DCTD: variants seen among roughly 807,000 people sequenced by gnomAD.
DCTD encodes dCMP deaminase.
A neutral mutation model predicts 21.0 loss-of-function variants in DCTD; 23 were observed. The observed-to-expected ratio is 1.09, with a 90% CI of 0.79 to 1.55. The LOEUF (loss-of-function observed/expected upper bound fraction) is 1.55. Among genes scored for constraint, DCTD ranks in the 40% most tolerant of loss-of-function variants. DCTD has a pLI of 0.00. For missense variants in DCTD, 224 were observed against 230.0 expected (o/e 0.97, Z 0.17); for synonymous variants, 71 against 81.1 (o/e 0.88, Z 0.67).
intron 3 of DCTD, among the ~76,000 whole-genome samples, chr4:182,903,057 C>T (rs1250748587): frequency 6.6e-6 from 1 of 152,204 alleles, no homozygotes; most frequent in East Asian, 1.9e-4. Flanking sequence ...CCTCTCTCAG[C>T]TACGAATAGG....
chr4:182,913,999 T>G (rs1275616623), intron 3 of DCTD, among the ~76,000 whole-genome samples: 3 of 140,886 alleles, frequency 2.1e-5, no homozygotes, highest in Non-Finnish European at 5.0e-5. Context: ...TTTTGTTTTT[T>G]GTTTGTTTGT....
At chr4:182,909,498 G>T (rs186916031) in intron 3 of DCTD, among the ~76,000 whole-genome samples, 4 of 152,236 alleles carry the variant, frequency 2.6e-5, no homozygotes, top group Admixed American at 2.6e-4. Flanking sequence ...TAGAAGGCCA[G>T]GCAGGGGAGG....
chr4:182,895,299 G>A (rs986362285), intron 3 of DCTD, among the ~76,000 whole-genome samples: 1 of 152,152 alleles, frequency 6.6e-6, no homozygotes, highest in African/African-American at 2.4e-5. Context: ...TTGAAATCCT[G>A]GCCGTAAGTG....
At chr4:182,915,255 G>C (rs1019747010) in intron 2 of DCTD, among the ~76,000 whole-genome samples, 197 bp from the exon 3 acceptor site, 2 of 152,214 alleles carry the variant, frequency 1.3e-5, no homozygotes, top group Non-Finnish European at 2.9e-5. Context: ...CCCAGTCCCA[G>C]AAGGGGCACA....
At chr4:182,915,922 G>C in intron 1 of DCTD, 1 of 1,054,956 alleles carries the variant, frequency 9.5e-7, no homozygotes, top group Non-Finnish European at 1.2e-6. Context: ...GAGGAGGGTG[G>C]AAAAAAGAAA....
Position 182,915,057 on chromosome 4 carries a change from A to C in DCTD, c.110T>G (p.Val37Gly). 6.2e-7 allele frequency: 1 copy of C among 1,614,222 alleles called. No homozygotes were observed. The highest frequency in any genetic ancestry group is 8.5e-7 in the Non-Finnish European group (1 of 1,180,034). The change falls in exon 3 of 6, where the codon GTC (valine) becomes GGC (glycine). Residue 37 changes from valine (V) to glycine (G), a missense_variant and splice_region_variant. Val to Gly is a moderately radical substitution (Grantham distance 109). Transcript: ENST00000438320. ...AQRSKDPNSQ[V>G]GACIVNSENK... ...TTCTGAATTCACGATGCAGGCGCCG[A>C]CCTAGAAGGAAACATGCCCAAAGGC... is the stretch of plus-strand genomic sequence containing the variant.
At chr4:182,913,790 T>C (rs1738156887) in intron 3 of DCTD, among the ~76,000 whole-genome samples, 1 of 152,178 alleles carries the variant, frequency 6.6e-6, no homozygotes, top group South Asian at 2.1e-4. Context: ...ATTGCTTGCA[T>C]ATTCTCCAAG....
At chr4:182,906,347 T>A (rs1045877049) in intron 3 of DCTD, among the ~76,000 whole-genome samples, 4 of 152,178 alleles carry the variant, frequency 2.6e-5, no homozygotes, top group Non-Finnish European at 4.4e-5. Context: ...GTTTGTTTCA[T>A]TAATGTCTAC....
At chr4:182,903,875 C>G (rs182039272) in intron 3 of DCTD, among the ~76,000 whole-genome samples, 14 of 152,264 alleles carry the variant, frequency 9.2e-5, no homozygotes, top group Non-Finnish European at 1.6e-4. Flanking sequence ...GCCTCCGGAC[C>G]TAAGAAATAG....
intron 3 of DCTD, chr4:182,911,189 T>C (rs1360126127): frequency 2.0e-5 from 3 of 152,148 alleles, no homozygotes; most frequent in Non-Finnish European, 4.4e-5. Flanking sequence ...CCGCCTATCC[T>C]TGCACATGGA....
chr4:182,892,816 A>G (rs1449823965), intron 5 of DCTD, among the ~76,000 whole-genome samples: 1 of 152,372 alleles, frequency 6.6e-6, no homozygotes, highest in Middle Eastern at 3.4e-3. Flanking sequence ...TACTGAAATT[A>G]AAGTACAATC....
At chr4:182,915,880 C>T (rs1315473846) in intron 1 of DCTD, 4 of 1,134,598 alleles carry the variant, frequency 3.5e-6, no homozygotes, top group Non-Finnish European at 4.4e-6. Flanking sequence ...GTGTCCTTTA[C>T]CTGTCTCCCT....
Position 182,891,148 on chromosome 4 carries a change from T to C in DCTD, c.*251A>G, listed in dbSNP as rs3088349. 0.28 allele frequency: 108,244 copies of C among 380,512 alleles called. 18,284 individuals are homozygous for C. The highest frequency in any genetic ancestry group is 0.58 in the African/African-American group (28,317 of 48,894). The allele number at this position is 380,512 out of a possible 1,614,324, so 23.6% of individuals were successfully genotyped here. Reference sequence around the variant, plus strand: ...GCCAGGACACAAGAAGGGGAGGCACTCTCGTTCTAGCCCTGTGCACCAGGC... The same window carrying C: ...GCCAGGACACAAGAAGGGGAGGCACCCTCGTTCTAGCCCTGTGCACCAGGC... On this transcript the variant is annotated 3_prime_UTR_variant, in exon 6 of 6. Transcript: ENST00000438320.
At chr4:182,901,980 T>C (rs1326272506) in intron 3 of DCTD, among the ~76,000 whole-genome samples, 1 of 152,150 alleles carries the variant, frequency 6.6e-6, no homozygotes, top group African/African-American at 2.4e-5. Context: ...CACAGATGCC[T>C]GATGGAAACT....
intron 3 of DCTD, among the ~76,000 whole-genome samples, chr4:182,910,054 T>C (rs1371834424): frequency 3.3e-5 from 5 of 152,182 alleles, no homozygotes; most frequent in Non-Finnish European, 4.4e-5. Flanking sequence ...GCCCCACTTC[T>C]ACCCAACGCA....
chr4:182,909,196 TATC>T (rs1233600612), intron 3 of DCTD, among the ~76,000 whole-genome samples: 7 of 152,220 alleles, frequency 4.6e-5, no homozygotes, highest in African/African-American at 1.4e-4. Flanking sequence ...TATATTAAAA[TATC>T]ATTATTTATT....
At chr4:182,894,819 G>A (rs193176936) in intron 3 of DCTD, among the ~76,000 whole-genome samples, 1 of 152,364 alleles carries the variant, frequency 6.6e-6, no homozygotes, top group African/African-American at 2.4e-5. Context: ...CACCTAGAGC[G>A]GCCAGGACGG....
At chr4:182,893,158 G>T in intron 4 of DCTD, 31 bp from the exon 5 acceptor site, 1 of 1,296,776 alleles carries the variant, frequency 7.7e-7, no homozygotes, top group Non-Finnish European at 1.1e-6. Flanking sequence ...CTCCCTTAGT[G>T]TACGCACCTA....
intron 5 of DCTD, among the ~76,000 whole-genome samples, chr4:182,892,825 T>C (rs1386418051): frequency 6.6e-6 from 1 of 152,238 alleles, no homozygotes; most frequent in East Asian, 1.9e-4. Context: ...TAAAGTACAA[T>C]CATTAAACAA....
Sources: gnomAD v4.1 joint callset for allele counts (sites outside exome capture counted in the v4.1 genomes callset) on GRCh38, gnomAD v4.1.1 for gene constraint, MANE v1.5 for transcripts, NCBI Gene and HGNC (gene_info 2026-07-23, HGNC 2026-07-21) for gene names.